Variants in LYPD6 observed in about 807,000 individuals in gnomAD.
The protein encoded by LYPD6 is LY6/PLAUR domain containing 6, also known as ly6/PLAUR domain-containing protein 6.
In LYPD6, 15 loss-of-function variants were observed where a neutral mutation model predicts 22.7. The observed-to-expected ratio is 0.66, with a 90% CI of 0.44 to 1.02. The LOEUF (loss-of-function observed/expected upper bound fraction) is 1.02, where lower values mean the gene tolerates loss of function less well. LYPD6 is among the 50% of genes least tolerant of loss of function. The pLI is 0.00. For missense variants in LYPD6, 189 were observed against 208.4 expected (o/e 0.91, Z 0.57); for synonymous variants, 72 against 77.5 (o/e 0.93, Z 0.37).
At chr2:149,429,735 G>A (rs895298963) in intron 1 of LYPD6, among the ~76,000 whole-genome samples, 1 of 152,222 alleles carries the variant, frequency 6.6e-6, no homozygotes, top group Non-Finnish European at 1.5e-5. Context: ...TTTCTGTGCT[G>A]TTGCAAGGTA....
chr2:149,454,327 A>G (rs924588098), intron 3 of LYPD6, among the ~76,000 whole-genome samples: 1 of 152,274 alleles, frequency 6.6e-6, no homozygotes, highest in South Asian at 2.1e-4. Flanking sequence ...AAAGGTAACA[A>G]TGTTGAGACT....
intron 1 of LYPD6, among the ~76,000 whole-genome samples, chr2:149,381,939 A>G (rs1230274334): frequency 6.6e-6 from 1 of 152,186 alleles, no homozygotes; most frequent in Non-Finnish European, 1.5e-5. Flanking sequence ...GAATGTACTC[A>G]TAGGATCTCT....
chr2:149,343,646 G>A (rs1681202261), intron 1 of LYPD6, among the ~76,000 whole-genome samples: 2 of 152,220 alleles, frequency 1.3e-5, no homozygotes, highest in African/African-American at 2.4e-5. Flanking sequence ...GGGAAATAGA[G>A]GAGGTAACTT....
chr2:149,444,110 T>A (rs1683628271), intron 2 of LYPD6, among the ~76,000 whole-genome samples: 1 of 151,954 alleles, frequency 6.6e-6, no homozygotes, highest in South Asian at 2.1e-4. Flanking sequence ...ATTTTTGTAT[T>A]TTTAGTAGAG....
chr2:149,475,858 A>T (rs1448006690), downstream of LYPD6, among the ~76,000 whole-genome samples: 1 of 152,152 alleles, frequency 6.6e-6, no homozygotes, highest in Non-Finnish European at 1.5e-5. Context: ...TGGTTTTGGG[A>T]GGCCCCACTG....
intron 1 of LYPD6, chr2:149,367,963 T>G (rs1405793847): frequency 6.6e-6 from 1 of 152,244 alleles, no homozygotes; most frequent in African/African-American, 2.4e-5. Context: ...CCAAAAAGCC[T>G]TTTTTGAATC....
At chr2:149,442,945 T>G (rs1448902903) in intron 2 of LYPD6, among the ~76,000 whole-genome samples, 1 of 152,162 alleles carries the variant, frequency 6.6e-6, no homozygotes, top group East Asian at 1.9e-4. Context: ...CTGTAGATTC[T>G]AAAAGAAAAC....
chr2:149,340,227 G>T (rs913333546), intron 1 of LYPD6, among the ~76,000 whole-genome samples: 1 of 152,036 alleles, frequency 6.6e-6, no homozygotes, highest in Non-Finnish European at 1.5e-5. Context: ...GTTATTTTAA[G>T]CACAATTTTT....
At chr2:149,398,509 A>T (rs1035992591) in intron 1 of LYPD6, among the ~76,000 whole-genome samples, 1 of 151,678 alleles carries the variant, frequency 6.6e-6, no homozygotes, top group Admixed American at 6.6e-5. Flanking sequence ...AAGTGTTCCC[A>T]GCAGATTTTC....
chr2:149,442,541 T>C (rs2105155703), intron 2 of LYPD6, among the ~76,000 whole-genome samples: 1 of 152,068 alleles, frequency 6.6e-6, no homozygotes, highest in East Asian at 1.9e-4. Context: ...TTAGATTCAT[T>C]CACAGCTGGG....
chr2:149,431,924 T>G (rs981953184), intron 1 of LYPD6, among the ~76,000 whole-genome samples: 3 of 152,088 alleles, frequency 2.0e-5, no homozygotes, highest in Admixed American at 1.3e-4. Flanking sequence ...TTAGATAATA[T>G]TCAGGCAAAA....
chr2:149,485,122 C>T, the LYPD6 span, among the ~76,000 whole-genome samples: 11 of 152,184 alleles, frequency 7.2e-5, no homozygotes, highest in South Asian at 6.2e-4. Flanking sequence ...CAAAAGGATT[C>T]GTAGCACAAG....
At chr2:149,415,003 G>T (rs946540010) in intron 1 of LYPD6, among the ~76,000 whole-genome samples, 9 of 152,164 alleles carry the variant, frequency 5.9e-5, no homozygotes, top group Non-Finnish European at 1.3e-4. Context: ...AGACTTCTGA[G>T]GTTTCTTAAA....
intron 3 of LYPD6, among the ~76,000 whole-genome samples, chr2:149,449,443 C>G (rs944433543): frequency 6.6e-6 from 1 of 152,202 alleles, no homozygotes; most frequent in African/African-American, 2.4e-5. Flanking sequence ...GCCAGTCTGT[C>G]TGCCACTCTG....
At chr2:149,486,336 T>C in the LYPD6 span, among the ~76,000 whole-genome samples, 4 of 152,184 alleles carry the variant, frequency 2.6e-5, no homozygotes, top group African/African-American at 9.7e-5. Flanking sequence ...TGCTCAGGTG[T>C]TTCGATAAGG....
chr2:149,397,371 A>G (rs979238108), intron 1 of LYPD6, among the ~76,000 whole-genome samples: 3 of 152,314 alleles, frequency 2.0e-5, no homozygotes, highest in South Asian at 4.1e-4. Context: ...CCATCAGAGT[A>G]GCCTGGATTT....
intron 3 of LYPD6, among the ~76,000 whole-genome samples, chr2:149,453,964 G>C (rs1395188825): frequency 6.6e-6 from 1 of 152,138 alleles, no homozygotes; most frequent in Admixed American, 6.6e-5. Context: ...CCCTAGGATA[G>C]AGAAATCAAT....
chr2:149,465,314 C>T (rs992576290), intron 3 of LYPD6, among the ~76,000 whole-genome samples: 5 of 152,006 alleles, frequency 3.3e-5, no homozygotes, highest in Admixed American at 1.3e-4. Context: ...GAATTTGATG[C>T]GTAGGGCACA....
chr2:149,420,746 G>A (rs1227599545), intron 1 of LYPD6, among the ~76,000 whole-genome samples: 1 of 152,170 alleles, frequency 6.6e-6, no homozygotes, highest in African/African-American at 2.4e-5. Flanking sequence ...AGGATAGAGA[G>A]AGGAGACCTG....
Sources: allele counts gnomAD v4.1 joint callset (sites outside exome capture counted in the v4.1 genomes callset), GRCh38; gene constraint gnomAD v4.1.1; transcripts MANE v1.5; gene names NCBI Gene and HGNC (gene_info 2026-07-23, HGNC 2026-07-21).